The following ADAM18 variants were observed in gnomAD, a reference collection of about 807,000 sequenced individuals.
ADAM18 encodes the protein ADAM metallopeptidase domain 18, also known as disintegrin and metalloproteinase domain-containing protein 18.
In ADAM18, 117 loss-of-function variants were observed where a neutral mutation model predicts 94.4. The ratio of observed to expected loss-of-function variants is 1.24; its 90% CI spans 1.07 to 1.45. The LOEUF is 1.45. Among genes scored for constraint, ADAM18 ranks in the 40% most tolerant of loss-of-function variants. The pLI is 0.00. For missense variants in ADAM18, 936 were observed against 880.0 expected (o/e 1.06, Z -0.81); for synonymous variants, 327 against 291.6 (o/e 1.12, Z -1.24).
chr8:39,722,913 A>AT (rs1275429237), intron 18 of ADAM18, among the ~76,000 whole-genome samples: 1 of 151,540 alleles, frequency 6.6e-6, no homozygotes, highest in Non-Finnish European at 1.5e-5. Flanking sequence ...TATGGCACAC[A>AT]TTTTTGTTAC....
intron 6 of ADAM18, among the ~76,000 whole-genome samples, chr8:39,622,969 A>G (rs146480830): frequency 2.8e-4 from 43 of 152,262 alleles, no homozygotes; most frequent in Middle Eastern, 3.4e-3. Context: ...TACTCCACCC[A>G]TCACTTGAGT....
chr8:39,598,926 C>G (rs1818821695), intron 2 of ADAM18, among the ~76,000 whole-genome samples: 2 of 151,926 alleles, frequency 1.3e-5, no homozygotes, highest in Admixed American at 1.3e-4. Flanking sequence ...ATTATCCTGC[C>G]CCAGCCTCCT....
intron 7 of ADAM18, among the ~76,000 whole-genome samples, chr8:39,633,136 C>T (rs1819979061): frequency 6.6e-6 from 1 of 152,192 alleles, no homozygotes; most frequent in Admixed American, 6.5e-5. Flanking sequence ...TGAGACTTCT[C>T]AGCCTCTAGG....
chr8:39,617,602 G>A (rs1176736210), intron 6 of ADAM18, among the ~76,000 whole-genome samples: 1 of 152,162 alleles, frequency 6.6e-6, no homozygotes, highest in Non-Finnish European at 1.5e-5. Context: ...GTCCATCAGT[G>A]ATGGAATGCA....
Position 39,610,719 on chromosome 8 carries a change from A to C in ADAM18, c.522+13A>C. On this transcript the variant is annotated intron_variant, in intron 6 of 19. Coordinates refer to ENST00000265707, the MANE Select transcript of ADAM18 (RefSeq NM_014237.3). ...TTTAAACTCACAGGTGACTGTCATC[A>C]TTCTGATGTTATGACATACTAGAAC... The C allele has an allele frequency of 6.2e-7, 1 of 1,610,550 alleles. No individual in the cohort carries two copies. The highest frequency in any genetic ancestry group is 1.1e-5 in the South Asian group (1 of 90,182).
chr8:39,708,453 G>T (rs1207613836), intron 18 of ADAM18, among the ~76,000 whole-genome samples: 1 of 152,084 alleles, frequency 6.6e-6, no homozygotes, highest in African/African-American at 2.4e-5. Context: ...GTACCATACA[G>T]TATTTATTCT....
chr8:39,684,276 T>TTTTATTTATTTA (rs536278073), intron 16 of ADAM18, among the ~76,000 whole-genome samples: 7 of 152,102 alleles, frequency 4.6e-5, no homozygotes, highest in African/African-American at 1.7e-4. Context: ...TTTCCCAATC[T>TTTTATTTATTTA]TTTATTTATT....
At chr8:39,690,634 A>G (rs1821746585) in intron 16 of ADAM18, among the ~76,000 whole-genome samples, 1 of 152,172 alleles carries the variant, frequency 6.6e-6, no homozygotes, top group South Asian at 2.1e-4. Context: ...ACTTACATAC[A>G]GCACATTTTT....
intron 10 of ADAM18, among the ~76,000 whole-genome samples, chr8:39,641,407 A>G (rs553781569): frequency 6.6e-6 from 1 of 151,996 alleles, no homozygotes; most frequent in Non-Finnish European, 1.5e-5. Flanking sequence ...TTTGTTATAT[A>G]GTTTGTTGTA....
At chr8:39,726,277 T>G in intron 19 of ADAM18, among the ~76,000 whole-genome samples, 1 of 133,314 alleles carries the variant, frequency 7.5e-6, no homozygotes, top group East Asian at 2.3e-4. Flanking sequence ...CACACACACA[T>G]TTGTGTGTGT....
intron 2 of ADAM18, among the ~76,000 whole-genome samples, chr8:39,589,357 C>CAT (rs896391393): frequency 2.1e-4 from 32 of 151,494 alleles, no homozygotes; most frequent in South Asian, 4.2e-4. Context: ...CTGCACAAGA[C>CAT]ATATATATAT....
Position 39,719,179 on chromosome 8 carries a change from C to T in ADAM18, c.2018-4569C>T, listed in dbSNP as rs183761555. Among the ~76,000 whole-genome samples, 11 of 151,390 alleles carry T rather than the reference C, an allele frequency of 7.3e-5. No individual in the cohort carries two copies. The East Asian group carries it at 2.1e-3, about 29-fold the overall frequency. ...AATAGAATAAGAAACCAGAAATAGA[C>T]ATGCAAATATATGGAAAATGGATTT... is the stretch of plus-strand genomic sequence containing the variant. On this transcript the variant is annotated intron_variant, in intron 18 of 19. Transcript: ENST00000265707.
rs368078016 is a variant in ADAM18 at position 39,645,680 on chromosome 8, C to A, written c.1046+206C>A. Among the ~76,000 whole-genome samples the A allele has an allele frequency of 4.9e-4, 74 of 152,260 alleles. No individual in the cohort carries two copies. The South Asian group carries it at 0.015, about 31-fold the overall frequency. ...ATCTTTGTCTGTGCACACACATACA[C>A]ATCACTGACATCGCATTCATATTCT... On this transcript the variant is annotated intron_variant, in intron 11 of 19. Coordinates refer to ENST00000265707, the MANE Select transcript of ADAM18 (RefSeq NM_014237.3).
At chr8:39,602,012 T>A (rs1467557453) in intron 2 of ADAM18, among the ~76,000 whole-genome samples, 3 of 152,206 alleles carry the variant, frequency 2.0e-5, no homozygotes, top group East Asian at 3.8e-4. Flanking sequence ...CCTTCTTTTT[T>A]AATGCTGCAT....
intron 7 of ADAM18, among the ~76,000 whole-genome samples, chr8:39,637,049 A>G (rs949844569): frequency 9.5e-5 from 11 of 116,020 alleles, no homozygotes; most frequent in African/African-American, 2.2e-4. Flanking sequence ...ATATATATAT[A>G]TATATATATA....
chr8:39,644,459 AT>A (rs935263964), intron 10 of ADAM18, among the ~76,000 whole-genome samples: 111 of 151,032 alleles, frequency 7.3e-4, no homozygotes, highest in African/African-American at 2.4e-3. Context: ...GCTATTTTTA[AT>A]TTTTTTTTGT....
chr8:39,692,348 A>G (rs7465283), intron 16 of ADAM18, among the ~76,000 whole-genome samples: 134,571 of 151,628 alleles, frequency 0.89, 59,807 homozygotes, highest in Admixed American at 0.93. Context: ...GAAACTATAT[A>G]TAACCTTTAC....
chr8:39,634,692 A>G (rs571532513), intron 7 of ADAM18, among the ~76,000 whole-genome samples: 1 of 152,260 alleles, frequency 6.6e-6, no homozygotes, highest in Non-Finnish European at 1.5e-5. Flanking sequence ...CTGTCCCACC[A>G]TTGTATCTTG....
At chr8:39,697,021 A>G (rs755634318) in intron 17 of ADAM18, among the ~76,000 whole-genome samples, 8 of 151,504 alleles carry the variant, frequency 5.3e-5, no homozygotes, top group Non-Finnish European at 1.0e-4. Context: ...TTAAATTTAT[A>G]TCTTCTTTAA....
Sources: allele counts gnomAD v4.1 joint callset (sites outside exome capture counted in the v4.1 genomes callset), GRCh38; gene constraint gnomAD v4.1.1; transcripts MANE v1.5; gene names NCBI Gene and HGNC (gene_info 2026-07-23, HGNC 2026-07-21).